The following STXBP5 variants were observed in gnomAD, a reference collection of about 807,000 sequenced individuals.
STXBP5 encodes the protein syntaxin binding protein 5.
Under a neutral mutation model 152.4 loss-of-function variants are expected in STXBP5, and 50 were observed. The ratio of observed to expected loss-of-function variants is 0.33; its 90% CI spans 0.26 to 0.42. The LOEUF (loss-of-function observed/expected upper bound fraction) is 0.42, where lower values mean the gene tolerates loss of function less well. Among genes scored for constraint, STXBP5 ranks in the 10% least tolerant of loss-of-function variants. STXBP5 has a pLI of 1.00. For missense variants in STXBP5, 1,167 were observed against 1,388.6 expected, an observed-to-expected ratio of 0.84 and a Z score of 2.54; for synonymous variants, 492 against 494.7, an observed-to-expected ratio of 0.99 and a Z score of 0.07.
chr6:147,351,302 TATCAA>T (rs985440519), intron 21 of STXBP5, among the ~76,000 whole-genome samples: 4 of 152,202 alleles, frequency 2.6e-5, no homozygotes, highest in Non-Finnish European at 5.9e-5. Flanking sequence ...TAAAATAACT[TATCAA>T]ATCAGAGTAG....
At chr6:147,341,314 C>T (rs1163478627) in intron 21 of STXBP5, among the ~76,000 whole-genome samples, 1 of 152,052 alleles carries the variant, frequency 6.6e-6, no homozygotes, top group East Asian at 1.9e-4. Context: ...ACTCATAGAT[C>T]TTCTGAGGAC....
intron 9 of STXBP5, among the ~76,000 whole-genome samples, chr6:147,308,498 G>T (rs774052548): frequency 6.6e-6 from 1 of 152,044 alleles, no homozygotes; most frequent in Non-Finnish European, 1.5e-5. Context: ...CCACTATATG[G>T]CAGGTACTGT....
At chr6:147,377,900 C>T (rs569701590) in intron 26 of STXBP5, among the ~76,000 whole-genome samples, 33 of 151,670 alleles carry the variant, frequency 2.2e-4, no homozygotes, top group Non-Finnish European at 4.6e-4. Flanking sequence ...AAAAGAAATG[C>T]ACAAGTAGAT....
intron 25 of STXBP5, among the ~76,000 whole-genome samples, chr6:147,364,433 A>G (rs765700314): frequency 1.2e-4 from 19 of 152,230 alleles, no homozygotes; most frequent in African/African-American, 4.1e-4. Flanking sequence ...TGGTGCATAC[A>G]TTTTATAACT....
chr6:147,254,899 G>A (rs944795139), intron 4 of STXBP5, among the ~76,000 whole-genome samples: 1 of 152,210 alleles, frequency 6.6e-6, no homozygotes, highest in Non-Finnish European at 1.5e-5. Context: ...CATTGTGGAA[G>A]ACAGTGTGGT....
At chr6:147,206,611 G>C (rs1198187262) in intron 2 of STXBP5, among the ~76,000 whole-genome samples, 1 of 151,928 alleles carries the variant, frequency 6.6e-6, no homozygotes. Flanking sequence ...TTTTTAGAGC[G>C]TTTTCTTGAA....
rs995906152 is a variant in STXBP5 at position 147,320,355 on chromosome 6, T to G, written c.1802+3948T>G. Among the ~76,000 whole-genome samples, 4 of 152,092 alleles carry G rather than the reference T, an allele frequency of 2.6e-5. No individual in the cohort carries two copies. The South Asian group carries it at 8.3e-4, about 32-fold the overall frequency. On this transcript the variant is annotated intron_variant, in intron 16 of 27. Transcript: ENST00000321680. ...GCAGCAGAAAAGAAAATGCATCCCC[T>G]GGGCAGACTTGCTCCCAAATGAACA...
At chr6:147,353,681 G>T (rs1160734815) in intron 22 of STXBP5, among the ~76,000 whole-genome samples, 2 of 152,064 alleles carry the variant, frequency 1.3e-5, no homozygotes, top group Admixed American at 6.6e-5. Context: ...AAAAGTGGTT[G>T]TATCCCATTT....
chr6:147,216,429 C>T (rs1029696574), intron 2 of STXBP5, among the ~76,000 whole-genome samples: 8 of 151,878 alleles, frequency 5.3e-5, no homozygotes, highest in African/African-American at 1.7e-4. Flanking sequence ...CATAAGGCTC[C>T]CAGAATAAAA....
At chr6:147,341,123 T>C (rs1784071643) in intron 21 of STXBP5, among the ~76,000 whole-genome samples, 1 of 152,164 alleles carries the variant, frequency 6.6e-6, no homozygotes. Context: ...GGAAAGTTAG[T>C]GTCACGTTTT....
intron 6 of STXBP5, among the ~76,000 whole-genome samples, chr6:147,263,342 CTTTTTT>C (rs1029110765): frequency 7.8e-6 from 1 of 128,828 alleles, no homozygotes; most frequent in African/African-American, 2.8e-5. Context: ...TTCTTTCTTT[CTTTTTT>C]TTTTTTTTTT....
At chr6:147,363,230 C>T (rs1397874684) in intron 23 of STXBP5, 105 bp from the exon 24 acceptor site, 7 of 1,188,172 alleles carry the variant, frequency 5.9e-6, no homozygotes, top group East Asian at 5.0e-5. Flanking sequence ...GTTCAATATG[C>T]GTTCAGCATA....
rs1054688372 is a variant in STXBP5, at chr6:147,390,176, A to T, written c.*5421A>T. ...GCATTTTGAAATACGGTTTAAAAAA[A>T]ATCTGTGTATTGTTTCATCTAAAAA... On this transcript the variant is annotated 3_prime_UTR_variant, in exon 28 of 28. Coordinates refer to ENST00000321680, the MANE Select transcript of STXBP5 (RefSeq NM_001127715.4). 2.0e-5 allele frequency: 3 copies of T among 152,024 alleles called. No individual in the cohort carries two copies. The highest frequency in any genetic ancestry group is 3.9e-4 in the East Asian group (2 of 5,182). 9.4% of individuals were successfully genotyped at this position (152,024 alleles called of 1,614,324 possible). A position where few individuals can be genotyped will look rare whatever the true frequency, so the allele number is the denominator to read the frequency against.
intron 16 of STXBP5, among the ~76,000 whole-genome samples, chr6:147,323,394 T>C (rs1783039141): frequency 6.6e-6 from 1 of 151,872 alleles, no homozygotes; most frequent in Non-Finnish European, 1.5e-5. Flanking sequence ...CTTTAATTCT[T>C]CTTTTTTTTT....
At chr6:147,365,075 TGTGCTTAGCATA>T (rs994375923) in intron 25 of STXBP5, among the ~76,000 whole-genome samples, 1 of 152,132 alleles carries the variant, frequency 6.6e-6, no homozygotes, top group Non-Finnish European at 1.5e-5. Context: ...GTGCATGTAA[TGTGCTTAGCATA>T]GTGCCCCTGG....
At chr6:147,256,129 G>C (rs996727354) in intron 4 of STXBP5, among the ~76,000 whole-genome samples, 3 of 151,958 alleles carry the variant, frequency 2.0e-5, no homozygotes, top group African/African-American at 7.3e-5. Context: ...AAACAGGGCT[G>C]CTTTCATGAT....
chr6:147,283,110 T>C (rs548745321), intron 8 of STXBP5, among the ~76,000 whole-genome samples: 3 of 152,322 alleles, frequency 2.0e-5, no homozygotes, highest in African/African-American at 7.2e-5. Flanking sequence ...TCAAAACCCA[T>C]AGATTTTTAT....
At chr6:147,351,993 CT>C (rs988771115) in intron 21 of STXBP5, 2 of 627,996 alleles carry the variant, frequency 3.2e-6, no homozygotes, top group Non-Finnish European at 4.0e-6. Flanking sequence ...ATAGGAAGCA[CT>C]TTTCTTTTAC....
intron 9 of STXBP5, among the ~76,000 whole-genome samples, chr6:147,297,636 C>T (rs1286146207): frequency 6.6e-6 from 1 of 152,048 alleles, no homozygotes; most frequent in Non-Finnish European, 1.5e-5. Context: ...GTAATAACTA[C>T]AGCCACAAGT....
Sources: gnomAD v4.1 joint callset for allele counts (sites outside exome capture counted in the v4.1 genomes callset) on GRCh38, gnomAD v4.1.1 for gene constraint, MANE v1.5 for transcripts, NCBI Gene and HGNC (gene_info 2026-07-23, HGNC 2026-07-21) for gene names.